NFASC: variants seen among roughly 807,000 people sequenced by gnomAD.
NFASC encodes neurofascin homolog.
Under a neutral mutation model 147.5 loss-of-function variants are expected in NFASC, and 43 were observed. The ratio of observed to expected loss-of-function variants is 0.29; its 90% CI spans 0.23 to 0.38. NFASC has a LOEUF of 0.38. NFASC is among the 10% of genes least tolerant of loss of function. The pLI, the probability that NFASC is intolerant of heterozygous loss-of-function variation, is 1.00. For synonymous variants in NFASC, 622 were observed against 665.5 expected, an observed-to-expected ratio of 0.93 and a Z score of 1.01; for missense variants, 1,320 against 1,689.0, an observed-to-expected ratio of 0.78 and a Z score of 3.83.
intron 1 of NFASC, among the ~76,000 whole-genome samples, chr1:204,832,674 T>A (rs1355573398): frequency 6.6e-6 from 1 of 152,262 alleles, no homozygotes; most frequent in Non-Finnish European, 1.5e-5. Context: ...CAATGTATCC[T>A]GAGCCTTTGA....
intron 1 of NFASC, among the ~76,000 whole-genome samples, chr1:204,861,603 C>T (rs1011085607): frequency 6.6e-6 from 1 of 152,202 alleles, no homozygotes; most frequent in Admixed American, 6.5e-5. Context: ...CATTCTCCTG[C>T]CTCAGCCTCC....
chr1:205,012,083 T>C (rs754978716), intron 28 of NFASC, among the ~76,000 whole-genome samples: 15 of 152,184 alleles, frequency 9.9e-5, no homozygotes, highest in Non-Finnish European at 2.1e-4. Flanking sequence ...GAGGTTTTCA[T>C]GTAAGTGCCC....
intron 8 of NFASC, among the ~76,000 whole-genome samples, chr1:204,959,387 A>T (rs1022491379): frequency 3.9e-5 from 6 of 151,986 alleles, no homozygotes; most frequent in Non-Finnish European, 8.8e-5. Flanking sequence ...GCCCAGGGAG[A>T]CCCCTTGGAG....
Position 204,954,335 on chromosome 1 carries a change from C to T in NFASC, c.363C>T (p.Arg121=), listed in dbSNP as rs759950538. The T allele has an allele frequency of 6.2e-7, 1 of 1,614,182 alleles. No homozygotes were observed. The highest frequency in any genetic ancestry group is 8.5e-7 in the Non-Finnish European group (1 of 1,180,030). Residue 121 remains arginine, a synonymous_variant, in exon 6 of 30, where the codon CGC becomes CGT. Coordinates refer to ENST00000339876, the MANE Select transcript of NFASC (RefSeq NM_001005388.3). This position sits in a 1 kb window ranked among gnomAD's most constrained non-coding sequence, Gnocchi z 5.7. ...EYEGEYQCFA[R]NKFGTALSNR... is the part of the protein sequence containing the mutation. ...AGGGGGAATATCAGTGCTTCGCCCG[C>T]AACAAATTTGGCACGGCCCTGTCCA...
chr1:204,958,942 C>A (rs576290484), intron 8 of NFASC, among the ~76,000 whole-genome samples: 1 of 152,278 alleles, frequency 6.6e-6, no homozygotes, highest in South Asian at 2.1e-4. Context: ...TCCTCCCTAT[C>A]CCTGCTGATG....
chr1:204,915,581 G>A (rs11579650), intron 1 of NFASC, among the ~76,000 whole-genome samples: 43,457 of 152,042 alleles, frequency 0.29, 7,124 homozygotes, highest in Non-Finnish European at 0.38. Flanking sequence ...ATATAGTTTT[G>A]TATCATTTGA....
At chr1:204,896,293 C>T (rs1451035004) in intron 1 of NFASC, among the ~76,000 whole-genome samples, 2 of 152,196 alleles carry the variant, frequency 1.3e-5, no homozygotes, top group Admixed American at 6.5e-5. Flanking sequence ...TTAGACGGGT[C>T]TAGAATGTGA....
In NFASC at chr1:204,968,742, AGAG is replaced by A; in HGVS notation, c.819-52_819-50del. 1 of 1,535,750 alleles carries A rather than the reference AGAG, an allele frequency of 6.5e-7. No individual in the cohort carries two copies. The highest frequency in any genetic ancestry group is 1.2e-5 in the South Asian group (1 of 81,534). On this transcript the variant is annotated intron_variant, in intron 9 of 29. Coordinates refer to ENST00000339876, the MANE Select transcript of NFASC (RefSeq NM_001005388.3). The surrounding 1 kb of genome is among the most constrained non-coding windows in gnomAD (Gnocchi z 5.4). ...ACCTGGGTGTCCCCAGCTGTATAGA[AGAG>A]GAGAAAGGCCACGTTTAGTGATAAC...
At chr1:204,931,537 T>G (rs1451845436) in intron 2 of NFASC, among the ~76,000 whole-genome samples, 2 of 152,244 alleles carry the variant, frequency 1.3e-5, no homozygotes, top group Admixed American at 6.5e-5. Flanking sequence ...TGTAGTACTA[T>G]TCTAGTCACT....
chr1:204,962,610 G>C (rs949946683), intron 8 of NFASC, among the ~76,000 whole-genome samples: 2 of 152,202 alleles, frequency 1.3e-5, no homozygotes, highest in Non-Finnish European at 2.9e-5. Context: ...GATAGGAATT[G>C]CCTGCTTTGT....
At chr1:204,997,071 T>C (rs1032945423) in intron 24 of NFASC, 99 bp from the exon 25 acceptor site, 61 of 1,533,540 alleles carry the variant, frequency 4.0e-5, no homozygotes, top group Middle Eastern at 4.0e-4. Flanking sequence ...CTAAGCCCCG[T>C]CTCCTCACCG....
intron 8 of NFASC, among the ~76,000 whole-genome samples, chr1:204,958,743 G>A (rs2094532769): frequency 6.6e-6 from 1 of 152,218 alleles, no homozygotes; most frequent in South Asian, 2.1e-4. Flanking sequence ...GGGGAGGCCA[G>A]TAGAGAGCAC....
chr1:204,952,659 A>G (rs2094192786), intron 5 of NFASC, among the ~76,000 whole-genome samples: 1 of 152,224 alleles, frequency 6.6e-6, no homozygotes, highest in East Asian at 1.9e-4. Context: ...ACAAAGGTCC[A>G]AGGTTACCCA....
intron 2 of NFASC, among the ~76,000 whole-genome samples, chr1:204,921,049 T>A (rs2090376239): frequency 6.6e-6 from 1 of 152,134 alleles, no homozygotes; most frequent in Non-Finnish European, 1.5e-5. Context: ...GGAAACAACT[T>A]TGTGACCCAC....
At chr1:204,978,831 T>C (rs1025448738) in intron 17 of NFASC, 137 bp from the exon 18 acceptor site, 5 of 622,550 alleles carry the variant, frequency 8.0e-6, no homozygotes, top group East Asian at 5.5e-5. Flanking sequence ...GTCCCTGTGC[T>C]CACCCCTCAG....
intron 1 of NFASC, among the ~76,000 whole-genome samples, chr1:204,908,134 A>G (rs1192946924): frequency 3.3e-5 from 5 of 152,116 alleles, no homozygotes; most frequent in Non-Finnish European, 7.4e-5. Flanking sequence ...GGCACGCACC[A>G]CTATGCCTGG....
rs1479208111 is a variant in NFASC, at chr1:205,010,758, C to T, written c.3421+1070C>T. The T allele has an allele frequency of 6.6e-6, 1 of 152,102 alleles. No homozygotes were observed. The highest frequency in any genetic ancestry group is 1.5e-5 in the Non-Finnish European group (1 of 68,040). 9.4% of individuals were successfully genotyped at this position (152,102 alleles called of 1,614,324 possible). A position where few individuals can be genotyped will look rare whatever the true frequency, so the allele number is the denominator to read the frequency against. The stretch of plus-strand genomic sequence containing the variant: ...CTCTACCAAAAATACAAAAAATTAG[C>T]TGGGTGTTTTGGCACGTGCCTATAA... On this transcript the variant is annotated intron_variant, in intron 28 of 29. Transcript: ENST00000339876. This position sits in a 1 kb window ranked among gnomAD's most constrained non-coding sequence, Gnocchi z 4.1.
intron 3 of NFASC, among the ~76,000 whole-genome samples, chr1:204,949,196 A>G (rs1345341471): frequency 2.6e-5 from 4 of 152,232 alleles, no homozygotes; most frequent in Non-Finnish European, 4.4e-5. Flanking sequence ...TCCTTCATGC[A>G]TAGCATGTAC....
intron 4 of NFASC, among the ~76,000 whole-genome samples, chr1:204,951,176 T>TC (rs1422833221): frequency 7.0e-6 from 1 of 142,008 alleles, no homozygotes; most frequent in Non-Finnish European, 1.5e-5. Context: ...TTTTATGGAG[T>TC]CTCGCTCTAT....
Sources: allele counts gnomAD v4.1 joint callset (sites outside exome capture counted in the v4.1 genomes callset), GRCh38; gene constraint gnomAD v4.1.1; non-coding constraint Gnocchi (gnomAD v3.1); transcripts MANE v1.5; gene names NCBI Gene and HGNC (gene_info 2026-07-23, HGNC 2026-07-21).